The following GALNT16 variants were observed in gnomAD, a reference collection of about 807,000 sequenced individuals.
GALNT16 encodes UDP-GalNAc:polypeptide N-acetylgalactosaminyltransferase-like protein 1.
GALNT16 carries 40 observed loss-of-function variants against 76.1 expected under a neutral mutation model. The observed-to-expected ratio is 0.53, with a 90% CI of 0.41 to 0.68. The LOEUF (loss-of-function observed/expected upper bound fraction) is 0.68, where lower values mean the gene tolerates loss of function less well. Ranked by LOEUF, GALNT16 falls within the 30% of genes least tolerant of loss-of-function variation. The pLI, the probability that GALNT16 is intolerant of heterozygous loss-of-function variation, is 0.00. For synonymous variants in GALNT16, 276 were observed against 285.2 expected, an observed-to-expected ratio of 0.97 and a Z score of 0.32; for missense variants, 621 against 731.9, an observed-to-expected ratio of 0.85 and a Z score of 1.75.
rs2045661787 is a variant in GALNT16 at position 69,353,300 on chromosome 14, C to T, written c.*1132C>T. 1 of 152,086 alleles carries T rather than the reference C, an allele frequency of 6.6e-6. No homozygotes were observed. The highest frequency in any genetic ancestry group is 1.5e-5 in the Non-Finnish European group (1 of 68,064). 9.4% of individuals were successfully genotyped at this position (152,086 alleles called of 1,614,324 possible). The stretch of plus-strand genomic sequence containing the variant: ...CAGGAGCCCCTAAGTCATTAGGGCT[C>T]AACCTCACCCTTATTCCCCTCCCTA... On this transcript the variant is annotated 3_prime_UTR_variant, in exon 15 of 15. Coordinates refer to ENST00000448469, the MANE Select transcript of GALNT16 (RefSeq NM_001168368.2).
chr14:69,365,899 A>G, the GALNT16 span, among the ~76,000 whole-genome samples: 1 of 152,236 alleles, frequency 6.6e-6, no homozygotes, highest in Non-Finnish European at 1.5e-5. Context: ...AACATACGTA[A>G]GGTCCCTGAC....
chr14:69,260,956 G>C lies in GALNT16; in HGVS notation c.177+489G>C, dbSNP rs77695222. ...GGCGTGGGTAGGGGAAGGCTCTCTA[G>C]GCGCTGCGCCTGGCTTCGAACCCCC... On this transcript the variant is annotated intron_variant, in intron 1 of 14. Coordinates refer to ENST00000448469, the MANE Select transcript of GALNT16 (RefSeq NM_001168368.2). Among the ~76,000 whole-genome samples, 881 of 152,036 alleles carry C rather than the reference G, an allele frequency of 5.8e-3. 3 individuals carry two copies. The highest frequency in any genetic ancestry group is 9.3e-3 in the Admixed American group (142 of 15,286).
intron 1 of GALNT16, among the ~76,000 whole-genome samples, chr14:69,274,391 T>A (rs2044445070): frequency 1.3e-5 from 2 of 152,212 alleles, no homozygotes; most frequent in African/African-American, 4.8e-5. Flanking sequence ...TCTCATTGGG[T>A]CAAGGAATTT....
downstream of GALNT16, chr14:69,357,125 A>G (rs1414969510): frequency 1.3e-5 from 2 of 152,232 alleles, no homozygotes; most frequent in African/African-American, 4.8e-5. Context: ...AGCAGAGGAG[A>G]TGGACCAATC....
At chr14:69,321,085 A>G (rs1418429430) in intron 2 of GALNT16, among the ~76,000 whole-genome samples, 1 of 152,204 alleles carries the variant, frequency 6.6e-6, no homozygotes, top group Non-Finnish European at 1.5e-5. Context: ...GGGGCCAAGG[A>G]GGCCCCAAGG....
At chr14:69,312,765 C>A (rs2045046338) in intron 1 of GALNT16, among the ~76,000 whole-genome samples, 1 of 152,160 alleles carries the variant, frequency 6.6e-6, no homozygotes, top group African/African-American at 2.4e-5. Context: ...GAGCTGATGC[C>A]CTGATCCTTG....
intron 12 of GALNT16, among the ~76,000 whole-genome samples, chr14:69,346,081 A>G (rs946686137): frequency 6.6e-5 from 10 of 150,696 alleles, no homozygotes; most frequent in African/African-American, 2.4e-4. Flanking sequence ...TTTTGTAGAG[A>G]TGGGGTCTTT....
intron 1 of GALNT16, among the ~76,000 whole-genome samples, chr14:69,271,093 C>G (rs898212328): frequency 6.6e-6 from 1 of 151,808 alleles, no homozygotes; most frequent in Admixed American, 6.6e-5. Flanking sequence ...TGGTGCCTTG[C>G]GGGGGCATGA....
At chr14:69,378,947 T>A in the GALNT16 span, among the ~76,000 whole-genome samples, 2 of 151,532 alleles carry the variant, frequency 1.3e-5, no homozygotes. Flanking sequence ...CTTTATTTAT[T>A]TTTTTTTTGA....
chr14:69,352,138 C>G lies in GALNT16; in HGVS notation c.1647C>G (p.Ala549=), dbSNP rs370465761. 2,886 of 1,612,968 alleles carry G rather than the reference C, an allele frequency of 1.8e-3. 98 individuals carry two copies. The South Asian group carries it at 0.03, about 17-fold the overall frequency. The part of the protein sequence containing the change: ...VTSKCQADAQ[A]QQWQLLPHT The stretch of plus-strand genomic sequence containing the variant: ...GCAAGTGTCAGGCTGACGCCCAGGC[C>G]CAGCAGTGGCAGCTGTTGCCACACA... Residue 549 remains alanine (A), a synonymous_variant, in exon 15 of 15, where the codon GCC becomes GCG. Coordinates refer to ENST00000448469, the MANE Select transcript of GALNT16 (RefSeq NM_001168368.2).
At chr14:69,383,639 T>C in the GALNT16 span, among the ~76,000 whole-genome samples, 1 of 152,202 alleles carries the variant, frequency 6.6e-6, no homozygotes, top group Non-Finnish European at 1.5e-5. Flanking sequence ...AGTTACAGGT[T>C]TTCAAGCTAT....
In GALNT16 at chr14:69,347,109, GAACAC is replaced by G. The variant is rs758055011; in HGVS notation, c.1343_1347del (p.Asn448SerfsTer3). The G allele has an allele frequency of 1.2e-6, 2 of 1,613,890 alleles. No homozygotes were observed. The highest frequency in any genetic ancestry group is 1.3e-5 in the African/African-American group (1 of 74,922). On this transcript the variant is annotated frameshift_variant, in exon 13 of 15. Coordinates refer to ENST00000448469, the MANE Select transcript of GALNT16 (RefSeq NM_001168368.2). LOFTEE classifies it high-confidence loss of function. ...TGAACTGCTTAGAATCTCAGGGCCA[GAACAC>G]AGCTGGTGACTTCCTGCTTGGAATG...
chr14:69,341,838 C>T (rs1307389211), intron 12 of GALNT16, 74 bp downstream of exon 12: 1 of 922,106 alleles, frequency 1.1e-6, no homozygotes, highest in Admixed American at 1.9e-5. Flanking sequence ...TTGGTCCCAC[C>T]CCACCCTTAG....
At chr14:69,285,876 T>C (rs1185913504) in intron 1 of GALNT16, among the ~76,000 whole-genome samples, 2 of 152,140 alleles carry the variant, frequency 1.3e-5, no homozygotes, top group African/African-American at 4.8e-5. Flanking sequence ...TGCTGGCACA[T>C]GGCATGCAAC....
In GALNT16 at chr14:69,340,429, A is replaced by G. The variant is rs192977672; in HGVS notation, c.1187+810A>G. Among the ~76,000 whole-genome samples, 18 of 152,258 alleles carry G rather than the reference A, an allele frequency of 1.2e-4. No homozygotes were observed. In the East Asian group the frequency reaches 3.1e-3, roughly 26 times the overall value. ...CCTACACATCACGTCATTTGCATGG[A>G]TTCAATGTGGTACTCGATGCGTGGC... is the stretch of plus-strand genomic sequence containing the variant. On this transcript the variant is annotated intron_variant, in intron 11 of 14. Transcript: ENST00000448469.
chr14:69,298,465 T>C (rs1354325023), intron 1 of GALNT16: 1 of 152,370 alleles, frequency 6.6e-6, no homozygotes, highest in African/African-American at 2.4e-5. Flanking sequence ...TGGTAGGGAA[T>C]GATAGAACAA....
At chr14:69,296,721 A>AGGTAGAT in intron 1 of GALNT16, among the ~76,000 whole-genome samples, 1 of 97,042 alleles carries the variant, frequency 1.0e-5, no homozygotes, top group Non-Finnish European at 2.0e-5. Flanking sequence ...ATAGATGGAC[A>AGGTAGAT]GATAGATGAT....
intron 1 of GALNT16, among the ~76,000 whole-genome samples, chr14:69,312,054 A>AATCTATCAATCT (rs1555399252): frequency 8.0e-6 from 1 of 125,718 alleles, no homozygotes; most frequent in African/African-American, 3.0e-5. Flanking sequence ...AAAAAAAAAA[A>AATCTATCAATCT]ATCTGTCTAT....
chr14:69,322,766 C>T (rs2045206840), intron 2 of GALNT16, among the ~76,000 whole-genome samples: 3 of 152,184 alleles, frequency 2.0e-5, no homozygotes, highest in East Asian at 1.9e-4. Flanking sequence ...TGGTGGGCAC[C>T]TGTAATCTCA....
Sources: allele counts gnomAD v4.1 joint callset (sites outside exome capture counted in the v4.1 genomes callset), GRCh38; gene constraint gnomAD v4.1.1; transcripts MANE v1.5; gene names NCBI Gene and HGNC (gene_info 2026-07-23, HGNC 2026-07-21).